Variants in MGAT4C observed in about 807,000 individuals in gnomAD.
The protein encoded by MGAT4C is alpha-1,3-mannosyl-glycoprotein 4-beta-N-acetylglucosaminyltransferase C.
In MGAT4C, 19 loss-of-function variants were observed where a neutral mutation model predicts 40.1. The observed-to-expected ratio is 0.47, with a 90% CI of 0.33 to 0.70. The LOEUF (loss-of-function observed/expected upper bound fraction) is 0.70, where lower values mean the gene tolerates loss of function less well. Ranked by LOEUF, MGAT4C falls within the 30% of genes least tolerant of loss-of-function variation. The pLI is 0.02. For missense variants in MGAT4C, 491 were observed against 563.2 expected, an observed-to-expected ratio of 0.87 and a Z score of 1.30; for synonymous variants, 181 against 187.1, an observed-to-expected ratio of 0.97 and a Z score of 0.27.
intron 2 of MGAT4C, among the ~76,000 whole-genome samples, chr12:86,694,417 T>G (rs1482391647): frequency 6.6e-6 from 1 of 152,180 alleles, no homozygotes; most frequent in Non-Finnish European, 1.5e-5. Flanking sequence ...ATGTCTATCT[T>G]GACATTAGAG....
chr12:86,501,290 A>G lies in MGAT4C; in HGVS notation c.-228-66025T>C, dbSNP rs374735749. On this transcript the variant is annotated intron_variant, in intron 2 of 7. Transcript: ENST00000548651. ...TCTTCATTACATTGGAATTTTAAAA[A>G]TTATTTTTATTTGTTTTTCCCCCTT... Among the ~76,000 whole-genome samples the G allele has an allele frequency of 2.2e-4, 34 of 152,146 alleles. No homozygotes were observed. In the East Asian group the frequency reaches 2.9e-3, roughly 13 times the overall value.
chr12:86,561,516 C>T (rs1032246832), intron 2 of MGAT4C, among the ~76,000 whole-genome samples: 8 of 152,206 alleles, frequency 5.3e-5, no homozygotes, highest in East Asian at 3.9e-4. Flanking sequence ...TGCCCTTGTA[C>T]ATCAGACTCC....
At chr12:86,511,741 G>T (rs1477398530) in intron 2 of MGAT4C, among the ~76,000 whole-genome samples, 2 of 152,050 alleles carry the variant, frequency 1.3e-5, no homozygotes, top group African/African-American at 2.4e-5. Context: ...GCACACACAA[G>T]TCAATGCAAG....
intron 3 of MGAT4C, among the ~76,000 whole-genome samples, chr12:86,383,193 C>T (rs1955979498): frequency 6.6e-6 from 1 of 152,118 alleles, no homozygotes; most frequent in Non-Finnish European, 1.5e-5. Flanking sequence ...GAGCCCATCC[C>T]CTGCATCAGC....
chr12:86,461,324 C>G (rs1049194782), intron 2 of MGAT4C, among the ~76,000 whole-genome samples: 2 of 150,588 alleles, frequency 1.3e-5, no homozygotes, highest in Non-Finnish European at 3.0e-5. Context: ...CGGCTCACTG[C>G]AAGCTCCGCT....
intron 2 of MGAT4C, among the ~76,000 whole-genome samples, chr12:85,998,535 C>G (rs1447411896): frequency 3.9e-5 from 6 of 152,178 alleles, no homozygotes; most frequent in African/African-American, 1.4e-4. Context: ...CAAGTCACCT[C>G]TTGAATGCCT....
At chr12:86,688,157 C>CTTTTTTTT (rs55637680) in intron 2 of MGAT4C, among the ~76,000 whole-genome samples, 5 of 65,232 alleles carry the variant, frequency 7.7e-5, no homozygotes, top group East Asian at 5.7e-4. Context: ...GCAACCCCTG[C>CTTTTTTTT]TTTTTTTTTT....
At chr12:86,831,764 G>A (rs566112453) in intron 1 of MGAT4C, among the ~76,000 whole-genome samples, 1 of 151,760 alleles carries the variant, frequency 6.6e-6, no homozygotes, top group Admixed American at 6.6e-5. Flanking sequence ...GTTGTATTAA[G>A]GTTCTACATA....
chr12:86,064,453 C>T (rs1405913624), intron 1 of MGAT4C, among the ~76,000 whole-genome samples: 1 of 152,130 alleles, frequency 6.6e-6, no homozygotes, highest in Non-Finnish European at 1.5e-5. Flanking sequence ...ACAACCTGCT[C>T]CTCAATGACT....
rs1883164360 is a variant in MGAT4C at position 85,962,474 on chromosome 12, C to CA, written c.*16814dup. On this transcript the variant is annotated 3_prime_UTR_variant, in exon 5 of 5. Coordinates refer to ENST00000611864, the MANE Select transcript of MGAT4C (RefSeq NM_001351288.2). ...AAATAAAATATTAACAATAATTGAA[C>CA]ATTGTTTACTTTTTTATCCTCACAA... 1 of 147,538 alleles carries CA rather than the reference C, an allele frequency of 6.8e-6. No homozygotes were observed. Among genetic ancestry groups the CA allele is most frequent in the Non-Finnish European group, 1.5e-5 (1 of 66,830 alleles). The allele number at this position is 147,538 out of a possible 1,614,324, so 9.1% of individuals were successfully genotyped here.
intron 4 of MGAT4C, among the ~76,000 whole-genome samples, chr12:86,312,583 G>T (rs997483414): frequency 2.6e-5 from 4 of 152,118 alleles, no homozygotes; most frequent in African/African-American, 7.2e-5. Flanking sequence ...TGTTGTTCAG[G>T]TTGAATGGTG....
chr12:86,832,484 T>G (rs757183869), intron 1 of MGAT4C, among the ~76,000 whole-genome samples: 1 of 151,872 alleles, frequency 6.6e-6, no homozygotes, highest in Non-Finnish European at 1.5e-5. Flanking sequence ...TCACATACTC[T>G]ATGAGAAAAG....
chr12:86,800,447 C>T (rs1413882222), intron 1 of MGAT4C, among the ~76,000 whole-genome samples: 1 of 151,782 alleles, frequency 6.6e-6, no homozygotes, highest in East Asian at 1.9e-4. Flanking sequence ...AATTAAATTC[C>T]ATCTGTTTTA....
At chr12:86,641,460 G>A (rs2136521155) in intron 2 of MGAT4C, among the ~76,000 whole-genome samples, 1 of 151,618 alleles carries the variant, frequency 6.6e-6, no homozygotes, top group Non-Finnish European at 1.5e-5. Context: ...CATGGCACAT[G>A]TATACATATG....
At chr12:86,782,171 ATTTTTTTTTTTTT>A (rs57791582) in intron 1 of MGAT4C, among the ~76,000 whole-genome samples, 2,448 of 40,392 alleles carry the variant, frequency 0.061, 59 homozygotes, top group African/African-American at 0.2. Context: ...TGTTTTTTGT[ATTTTTTTTTTTTT>A]TTTTTTTTTT....
At chr12:86,400,579 T>C (rs1340752581) in intron 3 of MGAT4C, among the ~76,000 whole-genome samples, 1 of 152,190 alleles carries the variant, frequency 6.6e-6, no homozygotes, top group Admixed American at 6.5e-5. Context: ...CAGAGAAGCA[T>C]TTGTTCCTGG....
Position 86,388,675 on chromosome 12 carries a change from G to GTT in MGAT4C, c.-120+46480_-120+46481dup, listed in dbSNP as rs752469980. ...ATCAATAAACACTTCAGCGTTTTTT[G>GTT]TTTTTTTTTTTTTTTTTTTTTTTTA... On this transcript the variant is annotated intron_variant, in intron 3 of 7. Transcript: ENST00000548651. Among the ~76,000 whole-genome samples, 539 of 98,686 alleles carry GTT rather than the reference G, an allele frequency of 5.5e-3. 15 individuals are homozygous for GTT. The highest frequency in any genetic ancestry group is 0.019 in the African/African-American group (394 of 20,750). 64.7% of individuals were successfully genotyped at this position (98,686 alleles called of 152,430 possible). A position where few individuals can be genotyped will look rare whatever the true frequency, so the allele number is the denominator to read the frequency against.
chr12:85,980,667 A>T (rs1884480449), intron 4 of MGAT4C, among the ~76,000 whole-genome samples: 1 of 152,116 alleles, frequency 6.6e-6, no homozygotes, highest in African/African-American at 2.4e-5. Context: ...AATCACAATA[A>T]TGTATGAGCC....
chr12:86,314,283 G>A (rs746912089), intron 4 of MGAT4C, among the ~76,000 whole-genome samples: 33 of 152,118 alleles, frequency 2.2e-4, no homozygotes, highest in Non-Finnish European at 4.0e-4. Flanking sequence ...TAGGCTGGGC[G>A]CGGTGGCTCA....
Sources: gnomAD v4.1 joint callset for allele counts (sites outside exome capture counted in the v4.1 genomes callset) on GRCh38, gnomAD v4.1.1 for gene constraint, MANE v1.5 for transcripts, NCBI Gene and HGNC (gene_info 2026-07-23, HGNC 2026-07-21) for gene names.